The following ELMO1 variants were observed in gnomAD, a reference collection of about 807,000 sequenced individuals.
ELMO1 encodes engulfment and cell motility protein 1.
A neutral mutation model predicts 98.9 loss-of-function variants in ELMO1; 26 were observed. The observed-to-expected ratio is 0.26, with a 90% CI of 0.19 to 0.36. ELMO1 has a LOEUF of 0.36. Ranked by LOEUF, ELMO1 falls within the 10% of genes least tolerant of loss-of-function variation. ELMO1 has a pLI of 1.00. For synonymous variants in ELMO1, 346 were observed against 346.0 expected, an observed-to-expected ratio of 1.00 and a Z score of 0.00; for missense variants, 627 against 935.2, an observed-to-expected ratio of 0.67 and a Z score of 4.30.
At chr7:37,085,275 CCA>C (rs1367229792) in intron 15 of ELMO1, among the ~76,000 whole-genome samples, 3 of 152,170 alleles carry the variant, frequency 2.0e-5, no homozygotes, top group African/African-American at 7.2e-5. Context: ...CTGTAGGAAG[CCA>C]CAGTGTCTGC....
At chr7:36,948,631 T>TA (rs1410664429) in intron 16 of ELMO1, among the ~76,000 whole-genome samples, 1 of 152,236 alleles carries the variant, frequency 6.6e-6, no homozygotes, top group Non-Finnish European at 1.5e-5. Flanking sequence ...TGAACCATTT[T>TA]AGATTATCTC....
At chr7:36,990,223 G>A (rs981130327) in intron 16 of ELMO1, among the ~76,000 whole-genome samples, 6 of 152,194 alleles carry the variant, frequency 3.9e-5, no homozygotes, top group East Asian at 1.9e-4. Flanking sequence ...CGATTTTTTC[G>A]CCTTCTAGAC....
intron 16 of ELMO1, among the ~76,000 whole-genome samples, chr7:36,958,104 G>T (rs1291304504): frequency 6.6e-6 from 1 of 152,018 alleles, no homozygotes; most frequent in Non-Finnish European, 1.5e-5. Flanking sequence ...CCTTTTCCTT[G>T]TCCATCACCC....
At chr7:37,327,715 G>A (rs922115145) in intron 2 of ELMO1, among the ~76,000 whole-genome samples, 1 of 152,120 alleles carries the variant, frequency 6.6e-6, no homozygotes, top group Non-Finnish European at 1.5e-5. Context: ...AGTGGCAATG[G>A]ACATGATGAG....
intron 4 of ELMO1, among the ~76,000 whole-genome samples, chr7:37,308,914 C>T (rs762116251): frequency 1.3e-5 from 2 of 152,076 alleles, no homozygotes; most frequent in African/African-American, 4.8e-5. Context: ...AATTGGGTAG[C>T]AAGACATGGG....
chr7:37,068,523 CA>C (rs1160019500), intron 15 of ELMO1, among the ~76,000 whole-genome samples: 1 of 152,108 alleles, frequency 6.6e-6, no homozygotes. Flanking sequence ...TCTGTTAAGG[CA>C]GATGAATTTT....
chr7:37,419,447 T>C, intron 1 of ELMO1, among the ~76,000 whole-genome samples: 1 of 152,218 alleles, frequency 6.6e-6, no homozygotes, highest in East Asian at 1.9e-4. Context: ...TTTTTTTCTT[T>C]GTTGTCCTCT....
chr7:37,141,973 C>T (rs915731333), intron 13 of ELMO1, among the ~76,000 whole-genome samples: 4 of 152,178 alleles, frequency 2.6e-5, no homozygotes, highest in African/African-American at 9.7e-5. Flanking sequence ...CATCGCTGTC[C>T]ACAACTAGAG....
At chr7:36,984,842 G>A in intron 16 of ELMO1, 8 of 928,758 alleles carry the variant, frequency 8.6e-6, no homozygotes, top group South Asian at 5.0e-5. Context: ...ACAATCAGGG[G>A]AAAAGATCTT....
intron 13 of ELMO1, among the ~76,000 whole-genome samples, chr7:37,136,310 T>C (rs1173173832): frequency 1.3e-5 from 2 of 152,148 alleles, no homozygotes; most frequent in Admixed American, 6.5e-5. Flanking sequence ...CTGGGAGTAA[T>C]TGAGGAAAAC....
chr7:37,304,008 C>G (rs1043748925), intron 4 of ELMO1, among the ~76,000 whole-genome samples: 2 of 152,160 alleles, frequency 1.3e-5, no homozygotes, highest in African/African-American at 4.8e-5. Context: ...TCCGAGCTCC[C>G]TCTCATTTAG....
At chr7:37,391,630 T>G (rs79219591) in intron 1 of ELMO1, among the ~76,000 whole-genome samples, 7,294 of 152,268 alleles carry the variant, frequency 0.048, 255 homozygotes, top group Non-Finnish European at 0.065. Context: ...GACCCACACC[T>G]TCATGGTGGG....
chr7:37,291,722 C>T (rs1206480800), intron 4 of ELMO1, among the ~76,000 whole-genome samples: 3 of 152,162 alleles, frequency 2.0e-5, no homozygotes, highest in African/African-American at 7.2e-5. Context: ...TGAGACCAGC[C>T]TGGCCAACAT....
At chr7:37,183,275 T>A (rs1790996966) in intron 13 of ELMO1, among the ~76,000 whole-genome samples, 1 of 152,124 alleles carries the variant, frequency 6.6e-6, no homozygotes, top group Non-Finnish European at 1.5e-5. Context: ...ACTAAATACA[T>A]CAAACAAAAA....
chr7:36,861,990 A>G (rs1802674188), intron 20 of ELMO1: 1 of 501,794 alleles, frequency 2.0e-6, no homozygotes, highest in Admixed American at 3.1e-5. Context: ...CATCTCCTTT[A>G]TGAGGTGGGG....
intron 4 of ELMO1, among the ~76,000 whole-genome samples, chr7:37,272,494 C>T (rs1366953943): frequency 6.6e-6 from 1 of 152,100 alleles, no homozygotes; most frequent in Non-Finnish European, 1.5e-5. Context: ...ATGGCGAAAC[C>T]CCGTCTCTAA....
intron 16 of ELMO1, among the ~76,000 whole-genome samples, chr7:36,912,734 A>AT (rs1562818589): frequency 6.6e-6 from 1 of 152,128 alleles, no homozygotes; most frequent in Non-Finnish European, 1.5e-5. Context: ...TGGAACAAAG[A>AT]TTTCTTCAGC....
intron 16 of ELMO1, among the ~76,000 whole-genome samples, chr7:36,969,244 G>T (rs1354285536): frequency 6.6e-6 from 1 of 151,730 alleles, no homozygotes; most frequent in African/African-American, 2.4e-5. Flanking sequence ...ATATTTAAAG[G>T]TATCAATTCA....
At chr7:37,217,796 GGA>G (rs1260978036) in intron 10 of ELMO1, 1 of 457,068 alleles carries the variant, frequency 2.2e-6, no homozygotes, top group East Asian at 7.0e-5. Flanking sequence ...AAAGCAAGCA[GGA>G]GAGAAGAAGG....
Sources: allele counts gnomAD v4.1 joint callset (sites outside exome capture counted in the v4.1 genomes callset), GRCh38; gene constraint gnomAD v4.1.1; transcripts MANE v1.5; gene names NCBI Gene and HGNC (gene_info 2026-07-23, HGNC 2026-07-21).